Variants in DYNC1I1 observed in about 807,000 individuals in gnomAD.
DYNC1I1 encodes cytoplasmic dynein 1 intermediate chain 1.
In DYNC1I1, 43 loss-of-function variants were observed where a neutral mutation model predicts 86.6. The ratio of observed to expected loss-of-function variants is 0.50; its 90% confidence interval spans 0.39 to 0.64. The LOEUF (loss-of-function observed/expected upper bound fraction) is 0.64. DYNC1I1 is among the 30% of genes least tolerant of loss of function. The pLI is 0.00. For missense variants in DYNC1I1, 604 were observed against 788.8 expected (o/e 0.77, Z 2.81); for synonymous variants, 262 against 283.7 (o/e 0.92, Z 0.77).
chr7:95,993,697 A>C (rs965585447), intron 9 of DYNC1I1, among the ~76,000 whole-genome samples: 1 of 152,224 alleles, frequency 6.6e-6, no homozygotes, highest in Non-Finnish European at 1.5e-5. Context: ...CACAACCAGC[A>C]CATTGTAACT....
At chr7:95,919,133 A>C (rs1483733413) in intron 6 of DYNC1I1, among the ~76,000 whole-genome samples, 8 of 152,178 alleles carry the variant, frequency 5.3e-5, no homozygotes, top group Non-Finnish European at 1.0e-4. Flanking sequence ...GTGTATTTTT[A>C]TATATTCATA....
chr7:96,021,591 G>T (rs2115915687), intron 10 of DYNC1I1, among the ~76,000 whole-genome samples: 1 of 152,076 alleles, frequency 6.6e-6, no homozygotes, highest in South Asian at 2.1e-4. Flanking sequence ...TCACAAAGTT[G>T]GACAATTAGC....
chr7:95,955,808 T>G (rs1792696147), intron 6 of DYNC1I1, among the ~76,000 whole-genome samples: 1 of 152,172 alleles, frequency 6.6e-6, no homozygotes, highest in Non-Finnish European at 1.5e-5. Context: ...CTACAGTAGT[T>G]TTCTCATTCA....
intron 6 of DYNC1I1, among the ~76,000 whole-genome samples, chr7:95,871,806 G>A (rs1031318567): frequency 2.6e-5 from 4 of 152,174 alleles, no homozygotes; most frequent in African/African-American, 9.7e-5. Context: ...CAGCAGGAAA[G>A]GGGGAATTTA....
chr7:96,017,435 C>T (rs759863172), intron 10 of DYNC1I1, among the ~76,000 whole-genome samples: 75 of 152,140 alleles, frequency 4.9e-4, no homozygotes, highest in Non-Finnish European at 9.1e-4. Context: ...TGTTGGCAGT[C>T]AGTACTGAAA....
intron 14 of DYNC1I1, among the ~76,000 whole-genome samples, chr7:96,063,733 C>T (rs776811207): frequency 7.2e-5 from 11 of 152,162 alleles, no homozygotes; most frequent in Non-Finnish European, 1.6e-4. Context: ...TTCCAAGGTA[C>T]TGGAATTAGG....
At chr7:95,887,590 T>C (rs1562934036) in intron 6 of DYNC1I1, among the ~76,000 whole-genome samples, 1 of 152,224 alleles carries the variant, frequency 6.6e-6, no homozygotes, top group Non-Finnish European at 1.5e-5. Flanking sequence ...CCTCTCACCC[T>C]TCTCTATGAG....
chr7:96,079,037 G>GT (rs1250159310), intron 15 of DYNC1I1, among the ~76,000 whole-genome samples: 3 of 150,560 alleles, frequency 2.0e-5, no homozygotes, highest in East Asian at 3.9e-4. Context: ...TTGTTTTTTT[G>GT]TTTTTTTGCT....
rs889573856 is a variant in DYNC1I1, at chr7:95,849,416, A to G, written c.375-20467A>G. On this transcript the variant is annotated intron_variant, in intron 5 of 16. Transcript: ENST00000447467. ...GGATATGGTGTAAGATAAAGGTCTAATTTTATTCTTCTGCATGTGGATATC... is the reference window on the plus strand; with the variant it reads ...GGATATGGTGTAAGATAAAGGTCTAGTTTTATTCTTCTGCATGTGGATATC... Among the ~76,000 whole-genome samples the G allele has an allele frequency of 2.4e-4, 37 of 152,192 alleles. 1 individual carries two copies. The highest frequency in any genetic ancestry group is 2.1e-4 in the South Asian group (1 of 4,824).
intron 6 of DYNC1I1, among the ~76,000 whole-genome samples, chr7:95,948,847 G>A (rs1792474828): frequency 6.6e-6 from 1 of 152,178 alleles, no homozygotes; most frequent in Admixed American, 6.6e-5. Context: ...TGAGAAGTAG[G>A]AGTTGGTGAA....
chr7:95,825,618 G>A (rs551167692), intron 4 of DYNC1I1, among the ~76,000 whole-genome samples: 1 of 152,192 alleles, frequency 6.6e-6, no homozygotes, highest in East Asian at 1.9e-4. Context: ...CAGAGCAGGG[G>A]TTCTCACCCC....
intron 4 of DYNC1I1, among the ~76,000 whole-genome samples, chr7:95,823,952 C>CTACATATATATATATATATATATATA (rs1554393640): frequency 1.3e-5 from 1 of 77,902 alleles, no homozygotes; most frequent in Non-Finnish European, 2.2e-5. Context: ...TTCTACTAAA[C>CTACATATATATATATATATATATATA]TATATATATA....
intron 7 of DYNC1I1, among the ~76,000 whole-genome samples, chr7:95,981,363 G>T (rs12113516): frequency 6.6e-6 from 1 of 151,922 alleles, no homozygotes; most frequent in African/African-American, 2.4e-5. Context: ...TTATTTAAAA[G>T]TATTTTCATA....
At chr7:95,810,931 G>A (rs894541888) in intron 3 of DYNC1I1, among the ~76,000 whole-genome samples, 1 of 152,126 alleles carries the variant, frequency 6.6e-6, no homozygotes, top group Non-Finnish European at 1.5e-5. Context: ...CACAGGCATA[G>A]AGTTAGTCTA....
intron 6 of DYNC1I1, among the ~76,000 whole-genome samples, chr7:95,961,630 C>A (rs1246326498): frequency 2.0e-5 from 3 of 152,090 alleles, no homozygotes; most frequent in Admixed American, 6.5e-5. Flanking sequence ...TATTTTGAAA[C>A]CTTGAAGGTT....
chr7:95,957,255 T>C (rs1289564230), intron 6 of DYNC1I1, among the ~76,000 whole-genome samples: 2 of 152,176 alleles, frequency 1.3e-5, no homozygotes, highest in Non-Finnish European at 2.9e-5. Flanking sequence ...TCAGAGGAAG[T>C]TGTGAGTTGC....
At chr7:96,032,303 T>C (rs753356959) in intron 11 of DYNC1I1, among the ~76,000 whole-genome samples, 2 of 152,200 alleles carry the variant, frequency 1.3e-5, no homozygotes, top group Admixed American at 1.3e-4. Context: ...TCTTTTTCCA[T>C]CACTCTTGTT....
intron 1 of DYNC1I1, 63 bp downstream of exon 1, chr7:95,772,836 C>T (rs1054935099): frequency 6.6e-6 from 1 of 151,804 alleles, no homozygotes; most frequent in Admixed American, 6.6e-5. Context: ...CCCCAACCCT[C>T]CCCACCCCGG....
At chr7:96,003,888 TC>T (rs1158789015) in intron 10 of DYNC1I1, among the ~76,000 whole-genome samples, 1 of 152,176 alleles carries the variant, frequency 6.6e-6, no homozygotes, top group African/African-American at 2.4e-5. Flanking sequence ...GCAAACTAGG[TC>T]CACACTTTCT....
Sources: gnomAD v4.1 joint callset for allele counts (sites outside exome capture counted in the v4.1 genomes callset) on GRCh38, gnomAD v4.1.1 for gene constraint, MANE v1.5 for transcripts, NCBI Gene and HGNC (gene_info 2026-07-23, HGNC 2026-07-21) for gene names.